NEDD4L: variants seen among roughly 807,000 people sequenced by gnomAD.
NEDD4L encodes the protein NEDD4 like E3 ubiquitin protein ligase.
In NEDD4L, 54 loss-of-function variants were observed where a neutral mutation model predicts 148.9. That is an observed-to-expected ratio of 0.36 (90% confidence interval 0.29 to 0.45). NEDD4L has a LOEUF of 0.45. Among genes scored for constraint, NEDD4L ranks in the 20% least tolerant of loss-of-function variants. The pLI is 1.00. For synonymous variants in NEDD4L, 433 were observed against 440.7 expected (o/e 0.98, Z 0.22); for missense variants, 856 against 1,233.8 (o/e 0.69, Z 4.59).
At chr18:58,391,330 T>C (rs1289288828) in intron 29 of NEDD4L, among the ~76,000 whole-genome samples, 157 bp from the exon 30 acceptor site, 1 of 152,204 alleles carries the variant, frequency 6.6e-6, no homozygotes, top group Non-Finnish European at 1.5e-5. Context: ...CTGGCTTCCC[T>C]CAACATTAAA....
At chr18:58,217,717 A>G (rs2043295487) in intron 2 of NEDD4L, among the ~76,000 whole-genome samples, 1 of 152,210 alleles carries the variant, frequency 6.6e-6, no homozygotes, top group South Asian at 2.1e-4. Context: ...AACATAAAGC[A>G]TTGATCTACC....
chr18:58,164,607 A>T (rs2146591791), intron 1 of NEDD4L, among the ~76,000 whole-genome samples: 1 of 152,282 alleles, frequency 6.6e-6, no homozygotes, highest in East Asian at 1.9e-4. Context: ...AGTAGCTGGG[A>T]TTACAGGCAC....
Position 58,364,258 on chromosome 18 carries a change from T to C in NEDD4L, c.1768-10T>C, listed in dbSNP as rs996260975. 2 of 1,507,192 alleles carry C rather than the reference T, an allele frequency of 1.3e-6. No homozygotes were observed. Among genetic ancestry groups the C allele is most frequent in the African/African-American group, 1.4e-5 (1 of 72,082 alleles). The allele number at this position is 1,507,192 out of a possible 1,614,324, so 93.4% of individuals were successfully genotyped here. Reference sequence around the variant, plus strand: ...TTTGCATTATCTATATTTATAAATTTATCTTCCAGGCTGTCCCTTACTCCA... The same window carrying C: ...TTTGCATTATCTATATTTATAAATTCATCTTCCAGGCTGTCCCTTACTCCA... On this transcript the variant is annotated splice_polypyrimidine_tract_variant and intron_variant, in intron 19 of 30. Coordinates refer to ENST00000400345, the MANE Select transcript of NEDD4L (RefSeq NM_001144967.3).
intron 5 of NEDD4L, among the ~76,000 whole-genome samples, chr18:58,263,728 A>G (rs1223115902): frequency 6.8e-6 from 1 of 146,048 alleles, no homozygotes; most frequent in Non-Finnish European, 1.5e-5. Context: ...TACCTCATGA[A>G]GGAAAACAAC....
At chr18:58,243,778 G>C (rs551892136) in intron 2 of NEDD4L, among the ~76,000 whole-genome samples, 2 of 152,080 alleles carry the variant, frequency 1.3e-5, no homozygotes, top group African/African-American at 2.4e-5. Context: ...ACCAAATAAA[G>C]GTTTACAGCT....
chr18:58,063,748 T>C (rs535348149), intron 1 of NEDD4L, among the ~76,000 whole-genome samples: 21 of 151,246 alleles, frequency 1.4e-4, no homozygotes, highest in Admixed American at 1.3e-3. Context: ...GTATTTTTTG[T>C]AGAGACGGGG....
At chr18:58,286,070 C>T (rs2053863138) in intron 5 of NEDD4L, among the ~76,000 whole-genome samples, 1 of 152,174 alleles carries the variant, frequency 6.6e-6, no homozygotes, top group African/African-American at 2.4e-5. Flanking sequence ...CACGTTCTTA[C>T]CCAGTGTCAG....
intron 1 of NEDD4L, among the ~76,000 whole-genome samples, chr18:58,062,871 C>G (rs144989559): frequency 6.6e-6 from 1 of 151,614 alleles, no homozygotes; most frequent in African/African-American, 2.4e-5. Flanking sequence ...GCCTGTAGTC[C>G]CAGCTACTCG....
intron 2 of NEDD4L, among the ~76,000 whole-genome samples, chr18:58,184,730 C>T (rs1201063715): frequency 1.3e-5 from 2 of 152,068 alleles, no homozygotes; most frequent in Non-Finnish European, 2.9e-5. Flanking sequence ...AGATCGAGAC[C>T]ATCCTGGCTA....
chr18:58,119,611 G>A (rs759964103), intron 1 of NEDD4L, among the ~76,000 whole-genome samples: 10 of 152,366 alleles, frequency 6.6e-5, no homozygotes, highest in Non-Finnish European at 1.5e-4. Context: ...GCTAAGCGGT[G>A]TAGCTTTATA....
chr18:58,063,039 C>CTTTTTTTTTTTT (rs74183235), intron 1 of NEDD4L, among the ~76,000 whole-genome samples: 32 of 91,156 alleles, frequency 3.5e-4, no homozygotes, highest in African/African-American at 4.3e-4. Context: ...TTTATTTGTT[C>CTTTTTTTTTTTT]TTTTTTTTTT....
At chr18:58,109,216 G>A (rs1176322944) in intron 1 of NEDD4L, among the ~76,000 whole-genome samples, 1 of 152,200 alleles carries the variant, frequency 6.6e-6, no homozygotes, top group Non-Finnish European at 1.5e-5. Flanking sequence ...AGCCCAGGAG[G>A]GCGTGATAAG....
chr18:58,214,815 T>TTTTTTTTTTTG (rs1291603873), intron 2 of NEDD4L, among the ~76,000 whole-genome samples: 1 of 127,162 alleles, frequency 7.9e-6, no homozygotes. Context: ...TTTTTTTTTT[T>TTTTTTTTTTTG]TTGTTGTTGT....
intron 2 of NEDD4L, among the ~76,000 whole-genome samples, chr18:58,197,546 C>T (rs770309227): frequency 6.6e-6 from 1 of 152,182 alleles, no homozygotes; most frequent in Non-Finnish European, 1.5e-5. Context: ...AACTTGCGAA[C>T]TCTCACCTCT....
intron 25 of NEDD4L, among the ~76,000 whole-genome samples, chr18:58,383,740 T>A (rs1338170035): frequency 6.6e-6 from 1 of 152,222 alleles, no homozygotes; most frequent in Non-Finnish European, 1.5e-5. Context: ...ATAGAAATAG[T>A]TAAAATGGAT....
At chr18:58,197,503 A>T (rs1311277900) in intron 2 of NEDD4L, among the ~76,000 whole-genome samples, 2 of 152,172 alleles carry the variant, frequency 1.3e-5, no homozygotes, top group African/African-American at 2.4e-5. Flanking sequence ...GTTTGGCAAC[A>T]AGCGGCTGCC....
At chr18:58,389,424 A>G in intron 28 of NEDD4L, 2 of 405,504 alleles carry the variant, frequency 4.9e-6, no homozygotes, top group Non-Finnish European at 8.9e-6. Flanking sequence ...ACAAAAGCAC[A>G]CTGGCCTTCC....
Position 58,256,215 on chromosome 18 carries a change from T to G in NEDD4L, c.297+4161T>G. ...GAGGAGGCTGCCCCGGGCCTGCGCATCCAGCACCGCGCCTCCAGCGCCGAC... is the reference window on the plus strand; with the variant it reads ...GAGGAGGCTGCCCCGGGCCTGCGCAGCCAGCACCGCGCCTCCAGCGCCGAC... On this transcript the variant is annotated intron_variant, in intron 5 of 30. Transcript: ENST00000400345. The surrounding 1 kb of genome is among the most constrained non-coding windows in gnomAD (Gnocchi z 5.2). 2.5e-6 allele frequency: 3 copies of G among 1,223,272 alleles called. No individual in the cohort carries two copies. Among genetic ancestry groups the G allele is most frequent in the Non-Finnish European group, 3.1e-6 (3 of 982,570 alleles). The allele number at this position is 1,223,272 out of a possible 1,614,324, so 75.8% of individuals were successfully genotyped here. A position where few individuals can be genotyped will look rare whatever the true frequency, so the allele number is the denominator to read the frequency against.
At chr18:58,305,500 C>T (rs538666804) in intron 5 of NEDD4L, among the ~76,000 whole-genome samples, 3 of 152,256 alleles carry the variant, frequency 2.0e-5, no homozygotes, top group South Asian at 2.1e-4. Flanking sequence ...CTCAGTGCTG[C>T]GCATTCTGCT....
Sources: gnomAD v4.1 joint callset for allele counts (sites outside exome capture counted in the v4.1 genomes callset) on GRCh38, gnomAD v4.1.1 for gene constraint, Gnocchi (gnomAD v3.1) non-coding constraint, MANE v1.5 for transcripts, NCBI Gene and HGNC (gene_info 2026-07-23, HGNC 2026-07-21) for gene names.